EEA1: variants seen among roughly 807,000 people sequenced by gnomAD.
EEA1 encodes early endosome antigen 1, 162kD.
A neutral mutation model predicts 209.2 loss-of-function variants in EEA1; 111 were observed. The ratio of observed to expected loss-of-function variants is 0.53; its 90% CI spans 0.45 to 0.62. EEA1 has a LOEUF of 0.62. Among genes scored for constraint, EEA1 ranks in the 20% least tolerant of loss-of-function variants. The probability of loss-of-function intolerance (pLI) is 0.00; values close to 1 mark genes in which losing one functional copy is unlikely to be tolerated. For missense variants in EEA1, 1,343 were observed against 1,530.8 expected (o/e 0.88, Z 2.05); for synonymous variants, 536 against 540.6 (o/e 0.99, Z 0.12).
chr12:92,844,938 G>A (rs575293067), intron 9 of EEA1, among the ~76,000 whole-genome samples: 41 of 151,912 alleles, frequency 2.7e-4, no homozygotes, highest in African/African-American at 8.7e-4. Flanking sequence ...CCAACATGTA[G>A]AAATAAGAAT....
chr12:92,852,576 T>C (rs1042742093), intron 7 of EEA1, among the ~76,000 whole-genome samples: 9 of 152,144 alleles, frequency 5.9e-5, no homozygotes, highest in Non-Finnish European at 1.2e-4. Flanking sequence ...ATATATGTAA[T>C]AGTATAACCA....
intron 3 of EEA1, among the ~76,000 whole-genome samples, chr12:92,859,516 G>A (rs113018273): frequency 0.017 from 2,574 of 152,240 alleles, 31 homozygotes; most frequent in East Asian, 0.039. Context: ...CCATGTAACT[G>A]CCTAGAAACA....
intron 1 of EEA1, among the ~76,000 whole-genome samples, chr12:92,898,609 A>G (rs1371265471): frequency 6.6e-6 from 1 of 150,690 alleles, no homozygotes; most frequent in Non-Finnish European, 1.5e-5. Context: ...AGTTGCAGTG[A>G]GCCGAGATCG....
chr12:92,854,659 G>T (rs1445085216), intron 5 of EEA1, among the ~76,000 whole-genome samples: 1 of 152,182 alleles, frequency 6.6e-6, no homozygotes, highest in Non-Finnish European at 1.5e-5. Flanking sequence ...TGCTGCAATA[G>T]GGCCATATCC....
At chr12:92,918,820 A>G (rs1385692528) in intron 1 of EEA1, among the ~76,000 whole-genome samples, 197 of 128,350 alleles carry the variant, frequency 1.5e-3, no homozygotes, top group African/African-American at 5.9e-3. Context: ...GGTTTTTTGA[A>G]AGGATCAACA....
At chr12:92,860,385 C>G (rs1878086018) in intron 3 of EEA1, among the ~76,000 whole-genome samples, 1 of 152,158 alleles carries the variant, frequency 6.6e-6, no homozygotes, top group South Asian at 2.1e-4. Flanking sequence ...GCTGGTGTAG[C>G]TACAGAGAAG....
In EEA1 at chr12:92,802,589, C is replaced by T. The variant is rs748822663; in HGVS notation, c.2485G>A (p.Glu829Lys). ...GTTGTTTGAATTCTGTTATTCAATT[C>T]CTCATGCTGAATCTTTGTTTCTTGA... ...LSQETKIQHEELNNRIQTTVT... is the reference protein window; with the variant it reads ...LSQETKIQHEKLNNRIQTTVT... The change falls in exon 19 of 29, where the codon GAA (glutamate) becomes AAA (lysine). Residue 829 changes from glutamate (E) to lysine (K), a missense_variant. By Grantham distance (56) the Glu-to-Lys change is moderately conservative. Coordinates refer to ENST00000322349, the MANE Select transcript of EEA1 (RefSeq NM_003566.4). 8.1e-6 allele frequency: 13 copies of T among 1,601,150 alleles called. No individual in the cohort carries two copies. The East Asian group carries it at 2.7e-4, about 33-fold the overall frequency.
intron 1 of EEA1, among the ~76,000 whole-genome samples, chr12:92,921,494 C>T (rs1287869450): frequency 5.3e-5 from 6 of 113,610 alleles, no homozygotes; most frequent in Non-Finnish European, 1.1e-4. Flanking sequence ...TAAACTATCA[C>T]AAGAACAAAA....
intron 12 of EEA1, among the ~76,000 whole-genome samples, chr12:92,827,417 A>G (rs776458212): frequency 2.6e-5 from 4 of 152,246 alleles, no homozygotes; most frequent in Non-Finnish European, 5.9e-5. Flanking sequence ...TTTAATTGCA[A>G]TAAAGATGCA....
Position 92,853,920 on chromosome 12 carries a change from G to A in EEA1, c.401C>T (p.Ser134Leu). The A allele has an allele frequency of 1.9e-6, 3 of 1,600,782 alleles. No homozygotes were observed. Among genetic ancestry groups the A allele is most frequent in the Non-Finnish European group, 1.7e-6 (2 of 1,174,784 alleles). ...TCTGCTTTAAGTAAAGTTACCTGCT[G>A]ATGAATCAGTCACCAACCCATCAGG... ...AKPDGLVTDSSAELQSLEQQL... is the reference protein window; with the variant it reads ...AKPDGLVTDSLAELQSLEQQL... Residue 134 changes from serine to leucine, a missense_variant, in exon 6 of 29, where the codon TCA becomes TTA. Ser to Leu is a moderately radical substitution (Grantham distance 145, BLOSUM62 -2). Transcript: ENST00000322349.
chr12:92,852,889 TA>T (rs921848964), intron 7 of EEA1, 22 bp downstream of exon 7: 3 of 1,552,836 alleles, frequency 1.9e-6, no homozygotes, highest in African/African-American at 2.7e-5. Flanking sequence ...ATTTATTGGC[TA>T]AAAAATTCTA....
chr12:92,923,680 C>A (rs1244193952), intron 1 of EEA1, among the ~76,000 whole-genome samples: 1 of 151,960 alleles, frequency 6.6e-6, no homozygotes, highest in African/African-American at 2.4e-5. Flanking sequence ...ATCTATTACA[C>A]TTATCACATT....
At chr12:92,849,731 T>C (rs1415377309) in intron 9 of EEA1, among the ~76,000 whole-genome samples, 1 of 152,228 alleles carries the variant, frequency 6.6e-6, no homozygotes, top group Non-Finnish European at 1.5e-5. Flanking sequence ...GAATTAGACA[T>C]GGGTTATCTA....
intron 21 of EEA1, among the ~76,000 whole-genome samples, chr12:92,794,130 T>A (rs1874540485): frequency 6.6e-6 from 1 of 152,168 alleles, no homozygotes; most frequent in South Asian, 2.1e-4. Context: ...CAGGAAAAAA[T>A]GCTCATCATC....
At chr12:92,911,293 C>A (rs1018157050) in intron 1 of EEA1, among the ~76,000 whole-genome samples, 2 of 152,010 alleles carry the variant, frequency 1.3e-5, no homozygotes, top group African/African-American at 4.8e-5. Flanking sequence ...TATTCTCCAG[C>A]GTTAAAAAGA....
chr12:92,924,096 T>C (rs1357938714), intron 1 of EEA1, among the ~76,000 whole-genome samples: 1 of 151,552 alleles, frequency 6.6e-6, no homozygotes, highest in Non-Finnish European at 1.5e-5. Context: ...CCATCCTGGC[T>C]GACAGAGCAA....
chr12:92,811,150 TTTTA>T, intron 17 of EEA1, 125 bp downstream of exon 17: 1 of 590,280 alleles, frequency 1.7e-6, no homozygotes, highest in Non-Finnish European at 2.5e-6. Context: ...ACAAGCAATT[TTTTA>T]AAAATTTTAT....
At chr12:92,876,343 G>A (rs1028437681) in intron 2 of EEA1, among the ~76,000 whole-genome samples, 2 of 152,076 alleles carry the variant, frequency 1.3e-5, no homozygotes, top group Admixed American at 6.5e-5. Flanking sequence ...GATTACAGGC[G>A]TGAGCCACCA....
chr12:92,897,520 A>G (rs1425747660), intron 1 of EEA1, among the ~76,000 whole-genome samples: 1 of 152,232 alleles, frequency 6.6e-6, no homozygotes, highest in Non-Finnish European at 1.5e-5. Context: ...TGCTGTATCC[A>G]GGCCCTTGAG....
Sources: allele counts gnomAD v4.1 joint callset (sites outside exome capture counted in the v4.1 genomes callset), GRCh38; gene constraint gnomAD v4.1.1; transcripts MANE v1.5; gene names NCBI Gene and HGNC (gene_info 2026-07-23, HGNC 2026-07-21).